Variants in ADAMTS19 observed in about 807,000 individuals in gnomAD.
ADAMTS19 encodes the protein ADAM metallopeptidase with thrombospondin type 1 motif 19, also known as A disintegrin and metalloproteinase with thrombospondin motifs 19.
In ADAMTS19, 93 loss-of-function variants were observed where a neutral mutation model predicts 153.3. The ratio of observed to expected loss-of-function variants is 0.61; its 90% CI spans 0.51 to 0.72. The LOEUF (loss-of-function observed/expected upper bound fraction) is 0.72, where lower values mean the gene tolerates loss of function less well. Ranked by LOEUF, ADAMTS19 falls within the 30% of genes least tolerant of loss-of-function variation. ADAMTS19 has a pLI of 0.00. For missense variants in ADAMTS19, 1,482 were observed against 1,552.1 expected, an observed-to-expected ratio of 0.95 and a Z score of 0.76; for synonymous variants, 600 against 556.6, an observed-to-expected ratio of 1.08 and a Z score of -1.10.
intron 3 of ADAMTS19, among the ~76,000 whole-genome samples, chr5:129,522,858 C>A (rs957875305): frequency 2.0e-5 from 3 of 151,980 alleles, no homozygotes; most frequent in Admixed American, 6.6e-5. Flanking sequence ...GAGTTTGAGA[C>A]CAGACTGACC....
Position 129,654,408 on chromosome 5 carries a change from A to G in ADAMTS19, c.2279A>G (p.Asp760Gly), listed in dbSNP as rs765570738. 27 of 1,612,278 alleles carry G rather than the reference A, an allele frequency of 1.7e-5. No homozygotes were observed. The highest frequency in any genetic ancestry group is 1.6e-4 in the Middle Eastern group (1 of 6,080). The stretch of plus-strand genomic sequence containing the variant: ...ACTTCTTGTGGCTATCAGGGATTAG[A>G]TATCTGTGCAAATGGCAGGTGCCAG... ...DGTSCGYQGL[D>G]ICANGRCQKV... Residue 760 changes from aspartate to glycine, a missense_variant, in exon 14 of 23, where the codon GAT becomes GGT. Coordinates refer to ENST00000274487, the MANE Select transcript of ADAMTS19 (RefSeq NM_133638.6).
Position 129,461,221 on chromosome 5 carries a change from G to A in ADAMTS19, c.211G>A (p.Gly71Ser), listed in dbSNP as rs1749641689. The change falls in exon 2 of 23, where the codon GGC becomes AGC. Residue 71 changes from glycine to serine, a missense_variant. Around this residue, in one of 2 missense-constraint regions of ADAMTS19, gnomAD observed 866 missense variants for 827.7 expected, o/e 1.05. Coordinates refer to ENST00000274487, the MANE Select transcript of ADAMTS19 (RefSeq NM_133638.6). This position sits in a 1 kb window ranked among gnomAD's most constrained non-coding sequence, Gnocchi z 4.6. ...GGSADPGWVR[G>S]VGGGGSARAQ... ...CAGCGCGGACCCGGGCTGGGTGCGC[G>A]GCGTTGGGGGCGGCGGAAGCGCCCG... is the stretch of plus-strand genomic sequence containing the variant. 22 of 1,269,802 alleles carry A rather than the reference G, an allele frequency of 1.7e-5. No individual in the cohort carries two copies. Among genetic ancestry groups the A allele is most frequent in the Admixed American group, 4.2e-5 (1 of 23,640 alleles). The allele number at this position is 1,269,802 out of a possible 1,614,324, so 78.7% of individuals were successfully genotyped here.
intron 8 of ADAMTS19, among the ~76,000 whole-genome samples, chr5:129,611,562 T>G (rs1043545651): frequency 2.0e-5 from 3 of 152,184 alleles, no homozygotes; most frequent in Admixed American, 6.6e-5. Context: ...TCCTCATTTA[T>G]TATTTTTGTC....
chr5:129,696,177 C>T (rs575875715), intron 19 of ADAMTS19, among the ~76,000 whole-genome samples: 133 of 152,204 alleles, frequency 8.7e-4, no homozygotes, highest in Non-Finnish European at 1.6e-3. Context: ...TGTTAATGAG[C>T]GCTTAAAAGA....
chr5:129,628,929 A>G (rs1378196758), intron 10 of ADAMTS19, among the ~76,000 whole-genome samples: 1 of 152,118 alleles, frequency 6.6e-6, no homozygotes, highest in African/African-American at 2.4e-5. Context: ...CACAATGACT[A>G]CATTGCCTAA....
At chr5:129,701,730 G>T in intron 20 of ADAMTS19, 138 bp downstream of exon 20, 1 of 905,178 alleles carries the variant, frequency 1.1e-6, no homozygotes, top group Non-Finnish European at 1.6e-6. Flanking sequence ...ATGATTAAAG[G>T]AATACATTCA....
chr5:129,732,616 G>A (rs1217706704), intron 21 of ADAMTS19, among the ~76,000 whole-genome samples: 3 of 152,008 alleles, frequency 2.0e-5, no homozygotes, highest in East Asian at 1.9e-4. Context: ...CTAAGAAGGT[G>A]CAAGACCTCT....
At chr5:129,668,105 C>T (rs30667) in intron 16 of ADAMTS19, among the ~76,000 whole-genome samples, 79,423 of 151,988 alleles carry the variant, frequency 0.52, 23,390 homozygotes, top group Non-Finnish European at 0.66. Flanking sequence ...CTGCCTTTTC[C>T]AACTCTAGTG....
At chr5:129,494,693 C>A (rs1335272637) in intron 2 of ADAMTS19, among the ~76,000 whole-genome samples, 1 of 152,182 alleles carries the variant, frequency 6.6e-6, no homozygotes, top group African/African-American at 2.4e-5. Context: ...CCCCTGCAAT[C>A]TCCAATTCTG....
intron 8 of ADAMTS19, among the ~76,000 whole-genome samples, chr5:129,597,914 G>GA (rs1561592930): frequency 7.5e-6 from 1 of 134,162 alleles, no homozygotes; most frequent in Non-Finnish European, 1.6e-5. Context: ...AAAAAAAAAA[G>GA]AAAAAAAGAA....
intron 2 of ADAMTS19, among the ~76,000 whole-genome samples, chr5:129,469,799 A>G (rs1005097344): frequency 1.3e-5 from 2 of 152,172 alleles, no homozygotes; most frequent in Admixed American, 1.3e-4. Flanking sequence ...GTAAGTACTC[A>G]ATCTCTCCTT....
At chr5:129,465,659 G>A (rs905152680) in intron 2 of ADAMTS19, among the ~76,000 whole-genome samples, 1 of 152,192 alleles carries the variant, frequency 6.6e-6, no homozygotes, top group Non-Finnish European at 1.5e-5. Flanking sequence ...ATATCAGTTA[G>A]CAGTGTGAAA....
chr5:129,720,101 T>C (rs1394831607), intron 21 of ADAMTS19, among the ~76,000 whole-genome samples: 2 of 150,624 alleles, frequency 1.3e-5, no homozygotes, highest in East Asian at 3.9e-4. Context: ...TGCCAATCAG[T>C]AAGAGCTTCT....
chr5:129,625,975 A>T (rs1752025974), intron 10 of ADAMTS19, among the ~76,000 whole-genome samples: 1 of 152,128 alleles, frequency 6.6e-6, no homozygotes, highest in Non-Finnish European at 1.5e-5. Context: ...TTATGGTTTT[A>T]GGTCTAACAT....
At chr5:129,519,834 C>T (rs1215213806) in intron 3 of ADAMTS19, among the ~76,000 whole-genome samples, 1 of 152,050 alleles carries the variant, frequency 6.6e-6, no homozygotes. Context: ...CCGTCTAACC[C>T]TCTCATAATC....
At chr5:129,635,721 C>T (rs1281817627) in intron 10 of ADAMTS19, among the ~76,000 whole-genome samples, 1 of 152,066 alleles carries the variant, frequency 6.6e-6, no homozygotes, top group East Asian at 1.9e-4. Context: ...GAACAACACA[C>T]ATTGGAGCCT....
At chr5:129,535,358 T>G (rs1752376245) in intron 6 of ADAMTS19, among the ~76,000 whole-genome samples, 1 of 152,006 alleles carries the variant, frequency 6.6e-6, no homozygotes, top group Non-Finnish European at 1.5e-5. Flanking sequence ...TTACAAGGGG[T>G]GTGAAGGACC....
chr5:129,691,313 T>C (rs1755325469), intron 18 of ADAMTS19, among the ~76,000 whole-genome samples: 1 of 152,156 alleles, frequency 6.6e-6, no homozygotes, highest in Admixed American at 6.6e-5. Flanking sequence ...ACTAATTTAA[T>C]GGGAATGACC....
At chr5:129,484,915 ATT>A (rs1750541616) in intron 2 of ADAMTS19, among the ~76,000 whole-genome samples, 1 of 152,118 alleles carries the variant, frequency 6.6e-6, no homozygotes, top group African/African-American at 2.4e-5. Context: ...TTCAGTCTCT[ATT>A]ATTTTTTCTT....
Sources: allele counts gnomAD v4.1 joint callset (sites outside exome capture counted in the v4.1 genomes callset), GRCh38; gene constraint gnomAD v4.1.1; regional missense constraint gnomAD v4.1.1; non-coding constraint Gnocchi (gnomAD v3.1); transcripts MANE v1.5; gene names NCBI Gene and HGNC (gene_info 2026-07-23, HGNC 2026-07-21).